Variants in ZNF827 observed in about 807,000 individuals in gnomAD.
ZNF827 encodes zinc finger protein 827.
Under a neutral mutation model 102.4 loss-of-function variants are expected in ZNF827, and 13 were observed. That is an observed-to-expected ratio of 0.13 (90% CI 0.08 to 0.20). The LOEUF (loss-of-function observed/expected upper bound fraction) is 0.20. Ranked by LOEUF, ZNF827 falls within the 10% of genes least tolerant of loss-of-function variation. The pLI is 1.00. For synonymous variants in ZNF827, 523 were observed against 536.2 expected (o/e 0.98, Z 0.34); for missense variants, 1,103 against 1,344.4 (o/e 0.82, Z 2.81).
intron 1 of ZNF827, among the ~76,000 whole-genome samples, chr4:145,920,463 A>T (rs1050638017): frequency 1.3e-5 from 2 of 152,204 alleles, no homozygotes; most frequent in South Asian, 2.1e-4. Flanking sequence ...AGCATACGCC[A>T]CGGCCTCTGC....
chr4:145,794,507 C>T (rs537950006), intron 8 of ZNF827, among the ~76,000 whole-genome samples: 48 of 150,912 alleles, frequency 3.2e-4, no homozygotes, highest in Non-Finnish European at 6.2e-4. Context: ...GGCAACATGG[C>T]AAAACCCTGT....
In ZNF827 at chr4:145,775,835, C is replaced by T. The variant is rs147131944; in HGVS notation, c.2647G>A (p.Val883Ile). ...STDTEDIVSA[V>I]TSEGSDGKKH... ...TTCCCATCACTGCCTTCAGAGGTGA[C>T]GGCGCTGACAATGTCCTCGGTGTCT... is the stretch of plus-strand genomic sequence containing the variant. The change falls in exon 10 of 15, where the codon GTC becomes ATC. Residue 883 changes from valine (V) to isoleucine (I), a missense_variant. Physicochemically the swap from Val to Ile is conservative, Grantham distance 29 (BLOSUM62 3). Around this residue, in one of 5 missense-constraint regions of ZNF827, gnomAD observed 242 missense variants for 361.9 expected, o/e 0.67. Transcript: ENST00000508784. 143 of 1,614,048 alleles carry T rather than the reference C, an allele frequency of 8.9e-5. No homozygotes were observed. Among genetic ancestry groups the T allele is most frequent in the Middle Eastern group, 1.6e-4 (1 of 6,084 alleles).
intron 9 of ZNF827, among the ~76,000 whole-genome samples, chr4:145,776,655 C>T (rs1457103059): frequency 6.6e-6 from 1 of 151,898 alleles, no homozygotes; most frequent in Non-Finnish European, 1.5e-5. Context: ...TGGGTGAGTG[C>T]TGAGCAGGGG....
chr4:145,920,706 C>A (rs1215482629), intron 1 of ZNF827, among the ~76,000 whole-genome samples: 1 of 152,244 alleles, frequency 6.6e-6, no homozygotes, highest in Non-Finnish European at 1.5e-5. Context: ...GTCTTAACTT[C>A]TTTGTTTATT....
chr4:145,900,585 T>C (rs536740765), intron 2 of ZNF827, among the ~76,000 whole-genome samples: 37 of 152,148 alleles, frequency 2.4e-4, no homozygotes, highest in African/African-American at 8.7e-4. Flanking sequence ...AATTTTTGTA[T>C]TTTTAGTAGA....
rs1735111779 is a variant in ZNF827, at chr4:145,765,266, C to T, written c.3053-101G>A. On this transcript the variant is annotated intron_variant, in intron 12 of 14. Coordinates refer to ENST00000508784, the MANE Select transcript of ZNF827 (RefSeq NM_001306215.2). The surrounding 1 kb of genome is among the most constrained non-coding windows in gnomAD (Gnocchi z 4.7). ...CCCCACTTCCTCCCGCCTCCTCCGA[C>T]GCCTGACAGCTATACCCTTCCAGGC... 8.6e-6 allele frequency: 11 copies of T among 1,284,694 alleles called. No homozygotes were observed. The highest frequency in any genetic ancestry group is 2.7e-4 in the Middle Eastern group (1 of 3,658). The allele number at this position is 1,284,694 out of a possible 1,614,324, so 79.6% of individuals were successfully genotyped here.
intron 1 of ZNF827, among the ~76,000 whole-genome samples, chr4:145,921,470 C>CAAAAAA (rs35423633): frequency 3.7e-5 from 2 of 54,120 alleles, no homozygotes; most frequent in Admixed American, 2.3e-4. Context: ...GAGACTCAGG[C>CAAAAAA]AAAAAAAAAA....
At chr4:145,856,981 G>GCACA (rs1393453187) in intron 5 of ZNF827, among the ~76,000 whole-genome samples, 1 of 83,226 alleles carries the variant, frequency 1.2e-5, no homozygotes, top group African/African-American at 4.4e-5. Flanking sequence ...GCGCGCACGC[G>GCACA]CACGCACACA....
At chr4:145,764,557 G>C (rs1340682154) in intron 13 of ZNF827, 1 of 179,510 alleles carries the variant, frequency 5.6e-6, no homozygotes, top group Non-Finnish European at 1.2e-5. Context: ...ATTTTGGAGG[G>C]TGGGGTGGTT....
chr4:145,769,022 TA>T, intron 11 of ZNF827, among the ~76,000 whole-genome samples: 1 of 149,418 alleles, frequency 6.7e-6, no homozygotes, highest in South Asian at 2.1e-4. Flanking sequence ...CAAAATTTTC[TA>T]GAGTGACCAT....
intron 5 of ZNF827, among the ~76,000 whole-genome samples, chr4:145,851,047 C>T (rs79865112): frequency 0.037 from 5,610 of 152,170 alleles, 267 homozygotes; most frequent in East Asian, 0.16. Flanking sequence ...CATGTGAAAA[C>T]AGACAGAGAC....
At chr4:145,854,497 T>G (rs1746871266) in intron 5 of ZNF827, among the ~76,000 whole-genome samples, 1 of 152,118 alleles carries the variant, frequency 6.6e-6, no homozygotes, top group African/African-American at 2.4e-5. Flanking sequence ...AGCAGGAGGC[T>G]CTGCAGGTGC....
rs758720693 is a variant in ZNF827 at position 145,774,563 on chromosome 4, C to T, written c.2803G>A (p.Asp935Asn). ...WMFSICCTAC[D>N]FVTMEEAEIK... is the part of the protein sequence containing the mutation. ...TCTGCTTCCTCCATGGTGACGAAGT[C>T]GCAGGCAGTGCAGCAGATCGAAAAC... is the stretch of plus-strand genomic sequence containing the variant. The change falls in exon 11 of 15, where the codon GAC becomes AAC. Residue 935 changes from aspartate (D) to asparagine (N), a missense_variant. Around this residue, in one of 5 missense-constraint regions of ZNF827, gnomAD observed 242 missense variants for 361.9 expected, o/e 0.67. Coordinates refer to ENST00000508784, the MANE Select transcript of ZNF827 (RefSeq NM_001306215.2). The T allele has an allele frequency of 3.8e-5, 62 of 1,612,776 alleles. No individual in the cohort carries two copies. The highest frequency in any genetic ancestry group is 4.4e-5 in the South Asian group (4 of 90,602).
chr4:145,924,856 T>C (rs1032696138), intron 1 of ZNF827, among the ~76,000 whole-genome samples: 1 of 152,230 alleles, frequency 6.6e-6, no homozygotes, highest in Non-Finnish European at 1.5e-5. Context: ...TGAAGTCCCT[T>C]ATCTTAGTGT....
intron 8 of ZNF827, among the ~76,000 whole-genome samples, chr4:145,780,134 T>C (rs1350936947): frequency 6.6e-6 from 1 of 152,122 alleles, no homozygotes; most frequent in Non-Finnish European, 1.5e-5. Flanking sequence ...GAGGTTGCAG[T>C]GAGCTGAGAT....
At chr4:145,911,320 G>C (rs1028625410) in intron 1 of ZNF827, among the ~76,000 whole-genome samples, 1 of 152,126 alleles carries the variant, frequency 6.6e-6, no homozygotes, top group African/African-American at 2.4e-5. Flanking sequence ...GTGCCATCAA[G>C]GAAACTTTAT....
intron 1 of ZNF827, among the ~76,000 whole-genome samples, chr4:145,912,226 T>C (rs1752345604): frequency 6.6e-6 from 1 of 152,238 alleles, no homozygotes; most frequent in Admixed American, 6.5e-5. Flanking sequence ...GCTGTTATTA[T>C]GTTTGTTATA....
At chr4:145,855,336 G>C (rs748889467) in intron 5 of ZNF827, among the ~76,000 whole-genome samples, 2 of 152,046 alleles carry the variant, frequency 1.3e-5, no homozygotes, top group African/African-American at 2.4e-5. Flanking sequence ...AAAATCTTTC[G>C]TCTCCAACTT....
At chr4:145,866,363 C>A (rs1226050689) in intron 5 of ZNF827, among the ~76,000 whole-genome samples, 3 of 152,200 alleles carry the variant, frequency 2.0e-5, no homozygotes, top group Non-Finnish European at 4.4e-5. Flanking sequence ...CTAAATATCT[C>A]CTAGCTGAAG....
Sources: gnomAD v4.1 joint callset for allele counts (sites outside exome capture counted in the v4.1 genomes callset) on GRCh38, gnomAD v4.1.1 for gene constraint, gnomAD v4.1.1 regional missense constraint, Gnocchi (gnomAD v3.1) non-coding constraint, MANE v1.5 for transcripts, NCBI Gene and HGNC (gene_info 2026-07-23, HGNC 2026-07-21) for gene names.